The following RHOBTB3 variants were observed in gnomAD, a reference collection of about 807,000 sequenced individuals.
The protein encoded by RHOBTB3 is rho-related BTB domain-containing protein 3.
RHOBTB3 carries 47 observed loss-of-function variants against 67.2 expected under a neutral mutation model. That is an observed-to-expected ratio of 0.70 (90% confidence interval 0.55 to 0.89). RHOBTB3 has a LOEUF of 0.89. Among genes scored for constraint, RHOBTB3 ranks in the 40% least tolerant of loss-of-function variants. The pLI is 0.00. For synonymous variants in RHOBTB3, 273 were observed against 274.2 expected, an observed-to-expected ratio of 1.00 and a Z score of 0.04; for missense variants, 631 against 750.0, an observed-to-expected ratio of 0.84 and a Z score of 1.85.
chr5:95,740,417 G>A (rs1269652660), intron 3 of RHOBTB3, among the ~76,000 whole-genome samples: 2 of 152,144 alleles, frequency 1.3e-5, no homozygotes, highest in East Asian at 3.8e-4. Flanking sequence ...TAAGCCTAAG[G>A]TTAAATTCCC....
chr5:95,773,479 G>C (rs1745778678), intron 8 of RHOBTB3, among the ~76,000 whole-genome samples: 1 of 152,240 alleles, frequency 6.6e-6, no homozygotes, highest in African/African-American at 2.4e-5. Context: ...AGCAGCAGCA[G>C]TGTCATTTCC....
At chr5:95,748,030 G>A (rs1397145818) in intron 3 of RHOBTB3, among the ~76,000 whole-genome samples, 1 of 152,206 alleles carries the variant, frequency 6.6e-6, no homozygotes, top group East Asian at 1.9e-4. Flanking sequence ...TGATATTCAG[G>A]ATGTCAAGGT....
intron 8 of RHOBTB3, among the ~76,000 whole-genome samples, chr5:95,771,746 C>G (rs890782699): frequency 2.6e-5 from 4 of 152,180 alleles, no homozygotes; most frequent in East Asian, 1.9e-4. Context: ...ACAGAATTCT[C>G]TCATTAGCTT....
chr5:95,761,339 CTTTT>C (rs766063568), intron 6 of RHOBTB3, among the ~76,000 whole-genome samples: 3 of 125,808 alleles, frequency 2.4e-5, no homozygotes, highest in Non-Finnish European at 3.4e-5. Flanking sequence ...CCTTTTTCCT[CTTTT>C]TTTTTTTTTT....
In RHOBTB3 at chr5:95,755,405, C is replaced by A. The variant is rs757617291; in HGVS notation, c.692C>A (p.Pro231His). 3 of 1,504,230 alleles carry A rather than the reference C, an allele frequency of 2.0e-6. No homozygotes were observed. Among genetic ancestry groups the A allele is most frequent in the South Asian group, 2.8e-5 (2 of 70,182 alleles). The allele number at this position is 1,504,230 out of a possible 1,614,324, so 93.2% of individuals were successfully genotyped here. The change falls in exon 6 of 12, where the codon CCT becomes CAT. Residue 231 changes from proline (P) to histidine (H), a missense_variant. Coordinates refer to ENST00000379982, the MANE Select transcript of RHOBTB3 (RefSeq NM_014899.4). Reference sequence around the variant, plus strand: ...TTCTTTTTCAAAACAGAAAAAATGCCTGTCTTAAAGGCTGAAGCGTCACAT... The same window carrying A: ...TTCTTTTTCAAAACAGAAAAAATGCATGTCTTAAAGGCTGAAGCGTCACAT... ...PPQLEQPEKMPVLKAEASHYN... is the reference protein window; with the variant it reads ...PPQLEQPEKMHVLKAEASHYN...
chr5:95,719,058 G>A lies in RHOBTB3; in HGVS notation n.133+1293G>A, dbSNP rs112395523. ...GAGGTGAAGGTCATCATGGAAAAAG[G>A]GGCTGAGATGTTGAGGAGTTCATGA... is the stretch of plus-strand genomic sequence containing the variant. On this transcript the variant is annotated intron_variant and non_coding_transcript_variant, in intron 1 of 5. Transcript: ENST00000504949. Among the ~76,000 whole-genome samples the A allele has an allele frequency of 8.4e-3, 1,276 of 152,238 alleles. 19 individuals carry two copies. Among genetic ancestry groups the A allele is most frequent in the African/African-American group, 0.029 (1,196 of 41,536 alleles).
chr5:95,795,796 A>C lies in RHOBTB3; in HGVS notation c.*2622A>C, dbSNP rs556883074. The C allele has an allele frequency of 6.6e-6, 1 of 152,356 alleles. No homozygotes were observed. The highest frequency in any genetic ancestry group is 2.4e-5 in the African/African-American group (1 of 41,588). 9.4% of individuals were successfully genotyped at this position (152,356 alleles called of 1,614,324 possible). ...ACTTATAACCTATCTTAGAGAAATG[A>C]GTGCTGGTTTTGAGAGTTGTTTTTT... On this transcript the variant is annotated 3_prime_UTR_variant, in exon 12 of 12. Transcript: ENST00000379982.
upstream of RHOBTB3, chr5:95,731,146 C>CG (rs1465212375): frequency 4.9e-6 from 5 of 1,014,360 alleles, no homozygotes; most frequent in African/African-American, 8.7e-5. Context: ...CGCGGCGCCC[C>CG]GCGCGGGCGG....
Position 95,748,341 on chromosome 5 carries a change from C to G in RHOBTB3, c.424C>G (p.Pro142Ala), listed in dbSNP as rs1216435580. ...AVGTRQNEEL[P>A]CTCPLCTSDR... ...AAAATTTGTTTTCTCAGAAGAGTTA[C>G]CTTGTACATGCCCACTATGTACCTC... The change falls in exon 4 of 12, where the codon CCT (proline) becomes GCT (alanine). Residue 142 changes from proline to alanine, a missense_variant. Coordinates refer to ENST00000379982, the MANE Select transcript of RHOBTB3 (RefSeq NM_014899.4). 6 of 1,601,074 alleles carry G rather than the reference C, an allele frequency of 3.7e-6. No homozygotes were observed. The highest frequency in any genetic ancestry group is 5.1e-6 in the Non-Finnish European group (6 of 1,174,820).
chr5:95,741,358 G>C (rs992056930), intron 3 of RHOBTB3, among the ~76,000 whole-genome samples: 2 of 150,764 alleles, frequency 1.3e-5, no homozygotes, highest in Admixed American at 6.6e-5. Context: ...AAAAAAAAGA[G>C]ATAGAATCCA....
chr5:95,721,317 G>A (rs1754867525), intron 1 of RHOBTB3, among the ~76,000 whole-genome samples: 1 of 152,170 alleles, frequency 6.6e-6, no homozygotes, highest in South Asian at 2.1e-4. Context: ...CACTGAGAAA[G>A]GTCTAAGTGT....
chr5:95,732,284 A>G (rs1010006041), intron 2 of RHOBTB3, 200 bp downstream of exon 2: 3 of 618,758 alleles, frequency 4.8e-6, no homozygotes, highest in Non-Finnish European at 8.6e-6. Flanking sequence ...TCTTAGGAAG[A>G]TAGAAGGCCC....
intron 11 of RHOBTB3, among the ~76,000 whole-genome samples, chr5:95,791,297 T>C (rs1474477323): frequency 6.6e-6 from 1 of 152,132 alleles, no homozygotes; most frequent in Non-Finnish European, 1.5e-5. Context: ...AGTATTAGAT[T>C]TTTATATACT....
intron 3 of RHOBTB3, among the ~76,000 whole-genome samples, chr5:95,745,051 C>T (rs561088291): frequency 5.3e-5 from 8 of 151,436 alleles, no homozygotes; most frequent in South Asian, 2.1e-4. Context: ...CCAGCCTGGG[C>T]GACAGAGTGA....
intron 3 of RHOBTB3, among the ~76,000 whole-genome samples, chr5:95,742,268 A>T (rs192908989): frequency 6.6e-6 from 1 of 152,316 alleles, no homozygotes; most frequent in East Asian, 1.9e-4. Flanking sequence ...CCCTTATTTC[A>T]ATCTGGTATT....
At chr5:95,784,109 C>A in intron 10 of RHOBTB3, 146 bp downstream of exon 10, 1 of 611,754 alleles carries the variant, frequency 1.6e-6, no homozygotes, top group Non-Finnish European at 2.6e-6. Flanking sequence ...GCCTTCACAA[C>A]AGTTTATCTG....
chr5:95,729,522 T>C (rs771254268), upstream of RHOBTB3, among the ~76,000 whole-genome samples: 5 of 152,230 alleles, frequency 3.3e-5, no homozygotes, highest in Non-Finnish European at 7.3e-5. Context: ...TGTTCTAGTG[T>C]TCAGTACACG....
At chr5:95,737,126 C>A in intron 3 of RHOBTB3, 51 bp downstream of exon 3, 1 of 1,211,008 alleles carries the variant, frequency 8.3e-7, no homozygotes. Context: ...ATTATATATA[C>A]TTTAAATAGT....
chr5:95,793,041 T>C lies in RHOBTB3; in HGVS notation c.1721-18T>C, dbSNP rs17085074. ...AATAAAACATATTCGGTTAACAGTC[T>C]TTTTCTTAAAACTTCAGTGGAAGAA... is the stretch of plus-strand genomic sequence containing the variant. On this transcript the variant is annotated intron_variant, in intron 11 of 11. Transcript: ENST00000379982. The C allele has an allele frequency of 4.3e-4, 668 of 1,560,714 alleles. 3 individuals carry two copies. The African/African-American group carries it at 7.8e-3, about 18-fold the overall frequency.
Sources: gnomAD v4.1 joint callset for allele counts (sites outside exome capture counted in the v4.1 genomes callset) on GRCh38, gnomAD v4.1.1 for gene constraint, MANE v1.5 for transcripts, NCBI Gene and HGNC (gene_info 2026-07-23, HGNC 2026-07-21) for gene names.